The following EPS15L1 variants were observed in gnomAD, a reference collection of about 807,000 sequenced individuals.
EPS15L1 encodes the protein epidermal growth factor receptor pathway substrate 15 like 1.
Under a neutral mutation model 117.1 loss-of-function variants are expected in EPS15L1, and 43 were observed. That is an observed-to-expected ratio of 0.37 (90% CI 0.29 to 0.47). The LOEUF (loss-of-function observed/expected upper bound fraction) is 0.47. Ranked by LOEUF, EPS15L1 falls within the 20% of genes least tolerant of loss-of-function variation. The pLI is 0.99. For missense variants in EPS15L1, 981 were observed against 1,164.0 expected (o/e 0.84, Z 2.29); for synonymous variants, 459 against 470.5 (o/e 0.98, Z 0.32).
At chr19:16,393,451 G>A (rs577515501) in intron 18 of EPS15L1, among the ~76,000 whole-genome samples, 10 of 151,606 alleles carry the variant, frequency 6.6e-5, no homozygotes, top group African/African-American at 9.7e-5. Context: ...AGTGTGAGAC[G>A]AGCCTGGCTA....
intron 13 of EPS15L1, among the ~76,000 whole-genome samples, chr19:16,408,121 T>G (rs1168969594): frequency 6.6e-6 from 1 of 151,856 alleles, no homozygotes; most frequent in East Asian, 1.9e-4. Flanking sequence ...GTAACAACAG[T>G]GTGGAACTGA....
intron 1 of EPS15L1, among the ~76,000 whole-genome samples, chr19:16,467,251 T>G (rs1175798745): frequency 1.3e-5 from 2 of 151,462 alleles, no homozygotes; most frequent in African/African-American, 2.4e-5. Context: ...TGGGTTCAAG[T>G]GATTCTCCTG....
chr19:16,434,768 G>C (rs1229367346), intron 6 of EPS15L1: 1 of 317,482 alleles, frequency 3.1e-6, no homozygotes, highest in Non-Finnish European at 5.9e-6. Context: ...GCTGCTGCCT[G>C]AGTGTGGCAG....
In EPS15L1 at chr19:16,377,152, G is replaced by C; in HGVS notation, c.2350C>G (p.Pro784Ala). 4 of 1,609,378 alleles carry C rather than the reference G, an allele frequency of 2.5e-6. No homozygotes were observed. The highest frequency in any genetic ancestry group is 1.7e-6 in the Non-Finnish European group (2 of 1,178,044). Residue 784 changes from proline (P) to alanine (A), a missense_variant, in exon 22 of 24, where the codon CCT becomes GCT. Transcript: ENST00000455140. ...GGCGGTTTAGGCCGTGGAGGAGCAGGTTTCTTCGGAGGCAGAGCAGGAGTG... is the reference window on the plus strand; with the variant it reads ...GGCGGTTTAGGCCGTGGAGGAGCAGCTTTCTTCGGAGGCAGAGCAGGAGTG... Reference protein sequence around the residue: ...QDTPALPPKKPAPPRPKPPSG... With the variant: ...QDTPALPPKKAAPPRPKPPSG...
chr19:16,392,856 C>A (rs2092492510), intron 18 of EPS15L1, among the ~76,000 whole-genome samples: 1 of 151,900 alleles, frequency 6.6e-6, no homozygotes, highest in African/African-American at 2.4e-5. Flanking sequence ...GAGTTCAAGA[C>A]CAGCATGGGC....
At chr19:16,375,160 G>A (rs755252675) in intron 22 of EPS15L1, among the ~76,000 whole-genome samples, 3 of 152,218 alleles carry the variant, frequency 2.0e-5, no homozygotes, top group Admixed American at 6.5e-5. Context: ...GAGTGTGCAC[G>A]GAGGGGTGCA....
intron 21 of EPS15L1, among the ~76,000 whole-genome samples, chr19:16,377,612 C>T (rs1275067041): frequency 1.3e-5 from 2 of 152,250 alleles, no homozygotes; most frequent in Admixed American, 1.3e-4. Context: ...CCTGCTTACA[C>T]TTCAGAGACA....
chr19:16,370,697 T>G lies in EPS15L1; in HGVS notation c.2380+6425A>C, dbSNP rs114152425. 9.7e-4 allele frequency among the ~76,000 whole-genome samples: 148 copies of G among 152,300 alleles called. No individual in the cohort carries two copies. Among genetic ancestry groups the G allele is most frequent in the African/African-American group, 3.4e-3 (140 of 41,548 alleles). ...GAACAGAAAGTGCTCCAAACGGCAA[T>G]CTGCCTGCAGTCAGTTTAAACATAC... On this transcript the variant is annotated intron_variant, in intron 22 of 23. Transcript: ENST00000455140. This position sits in a 1 kb window ranked among gnomAD's most constrained non-coding sequence, Gnocchi z 5.2.
At chr19:16,459,812 A>G (rs1418301143) in intron 1 of EPS15L1, among the ~76,000 whole-genome samples, 2 of 152,180 alleles carry the variant, frequency 1.3e-5, no homozygotes, top group African/African-American at 2.4e-5. Flanking sequence ...AAGGCTGTGA[A>G]TCAGCACGTG....
At chr19:16,437,731 T>G (rs775939439) in intron 5 of EPS15L1, 39 bp downstream of exon 5, 2 of 1,403,424 alleles carry the variant, frequency 1.4e-6, no homozygotes, top group African/African-American at 2.8e-5. Flanking sequence ...ACACATCTGG[T>G]ATTAGAAGAA....
At chr19:16,435,597 A>T (rs982280510) in intron 6 of EPS15L1, among the ~76,000 whole-genome samples, 4 of 152,152 alleles carry the variant, frequency 2.6e-5, no homozygotes, top group African/African-American at 9.7e-5. Flanking sequence ...GATCACCGGC[A>T]GACACCGCAT....
At position 16,461,253 on chromosome 19, in the gene EPS15L1, G is replaced by A. The variant is rs573914163; in HGVS notation, c.33+10660C>T. ...CGGGAGACGGAGCTTGCAGTGAGCCGAGATTGCGCCACTGCACTCCAGCCT... is the reference window on the plus strand; with the variant it reads ...CGGGAGACGGAGCTTGCAGTGAGCCAAGATTGCGCCACTGCACTCCAGCCT... On this transcript the variant is annotated intron_variant, in intron 1 of 23. Transcript: ENST00000455140. Among the ~76,000 whole-genome samples, 242 of 149,572 alleles carry A rather than the reference G, an allele frequency of 1.6e-3. 1 individual carries two copies. Among genetic ancestry groups the A allele is most frequent in the Middle Eastern group, 3.6e-3 (1 of 280 alleles).
chr19:16,404,754 G>T lies in EPS15L1; in HGVS notation c.1267-5C>A. The T allele has an allele frequency of 6.2e-7, 1 of 1,614,060 alleles. No homozygotes were observed. The highest frequency in any genetic ancestry group is 8.5e-7 in the Non-Finnish European group (1 of 1,179,972). On this transcript the variant is annotated splice_polypyrimidine_tract_variant and splice_region_variant and intron_variant, in intron 13 of 23. Coordinates refer to ENST00000455140, the MANE Select transcript of EPS15L1 (RefSeq NM_001258374.3). This position sits in a 1 kb window ranked among gnomAD's most constrained non-coding sequence, Gnocchi z 4.2. ...GTCTAGGTCATTTTGTAATTCCTAG[G>T]GAGGAGTTGCAGGGGTTTACGTGAG...
intron 6 of EPS15L1, chr19:16,434,737 C>A: frequency 2.6e-6 from 1 of 388,224 alleles, no homozygotes; most frequent in South Asian, 3.2e-5. Context: ...GCCCTGGCCC[C>A]GGGTCTTGTC....
rs192329504 is a variant in EPS15L1, at chr19:16,437,360, A to G, written c.310-361T>C. 1.0e-3 allele frequency among the ~76,000 whole-genome samples: 156 copies of G among 152,330 alleles called. 2 individuals are homozygous for G. The highest frequency in any genetic ancestry group is 7.2e-3 in the South Asian group (35 of 4,828). ...TCTACAACATGGATGAACCCTGAAA[A>G]CACGATGCTGAGAGAGAGGCCAGAC... is the stretch of plus-strand genomic sequence containing the variant. On this transcript the variant is annotated intron_variant, in intron 5 of 23. Transcript: ENST00000455140.
chr19:16,443,739 C>T (rs2093054639), intron 1 of EPS15L1, among the ~76,000 whole-genome samples: 1 of 151,040 alleles, frequency 6.6e-6, no homozygotes, highest in African/African-American at 2.4e-5. Flanking sequence ...ATAATAATGC[C>T]CGGATTATGG....
At chr19:16,356,181 G>A in intron 23 of EPS15L1, 1 of 384,750 alleles carries the variant, frequency 2.6e-6, no homozygotes, top group South Asian at 4.0e-5. Flanking sequence ...GTGCAAAGAT[G>A]GGGAACTTCC....
chr19:16,387,822 GAA>G (rs1194686339), intron 19 of EPS15L1, among the ~76,000 whole-genome samples: 8 of 151,914 alleles, frequency 5.3e-5, no homozygotes, highest in Non-Finnish European at 1.2e-4. Flanking sequence ...AAGAATAAAA[GAA>G]AGAGTAAGTG....
intron 19 of EPS15L1, among the ~76,000 whole-genome samples, chr19:16,387,968 A>G (rs1390652606): frequency 6.6e-6 from 1 of 152,220 alleles, no homozygotes; most frequent in Non-Finnish European, 1.5e-5. Context: ...TGTAACTGGA[A>G]TCCCAGAAAG....
Sources: gnomAD v4.1 joint callset for allele counts (sites outside exome capture counted in the v4.1 genomes callset) on GRCh38, gnomAD v4.1.1 for gene constraint, Gnocchi (gnomAD v3.1) non-coding constraint, MANE v1.5 for transcripts, NCBI Gene and HGNC (gene_info 2026-07-23, HGNC 2026-07-21) for gene names.